The following UBA52 variants were observed in gnomAD, a reference collection of about 807,000 sequenced individuals.
The protein encoded by UBA52 is ubiquitin A-52 residue ribosomal protein fusion product 1.
UBA52 carries 1 observed loss-of-function variant against 15.3 expected under a neutral mutation model. The observed-to-expected ratio is 0.07, with a 90% CI of 0.02 to 0.31. The LOEUF is 0.31. Among genes scored for constraint, UBA52 ranks in the 10% least tolerant of loss-of-function variants. UBA52 has a pLI of 1.00. For synonymous variants in UBA52, 50 were observed against 58.3 expected (o/e 0.86, Z 0.65); for missense variants, 87 against 168.0 (o/e 0.52, Z 2.66).
chr19:18,568,358 C>A (rs752875752), upstream of UBA52: 10 of 1,452,830 alleles, frequency 6.9e-6, no homozygotes, highest in Non-Finnish European at 9.6e-6. Flanking sequence ...CATCACAGAG[C>A]TTGGCAAGGT....
chr19:18,563,911 T>C, the UBA52 span, among the ~76,000 whole-genome samples: 1 of 150,718 alleles, frequency 6.6e-6, no homozygotes. Flanking sequence ...TTTTGAGACA[T>C]AGTTTCGCAC....
chr19:18,565,044 G>GGAC, the UBA52 span: 1 of 1,596,760 alleles, frequency 6.3e-7, no homozygotes, highest in East Asian at 2.2e-5. Flanking sequence ...TGCCACCCCA[G>GGAC]CCCAGCTGAC....
At chr19:18,567,277 G>A, upstream of UBA52, 2 of 1,230,974 alleles carry the variant, frequency 1.6e-6, no homozygotes, top group Non-Finnish European at 2.4e-6. Context: ...CTGAGACCAG[G>A]CTGTAATGGG....
chr19:18,573,120 T>G, intron 1 of UBA52, 173 bp from the exon 2 acceptor site: 1 of 1,153,618 alleles, frequency 8.7e-7, no homozygotes, highest in Non-Finnish European at 1.2e-6. Flanking sequence ...CCAGGGTGTG[T>G]GAGAAGCCTA....
rs1975606955 is a variant in UBA52 at position 18,573,413 on chromosome 19, G to T, written c.103+10G>T. On this transcript the variant is annotated intron_variant, in intron 2 of 4. Transcript: ENST00000442744. ...ATTCAAGACAAGGAGGGTGAGTAGGGCTGGGTGTGGGGGCTCTGGCTGTGA... is the reference window on the plus strand; with the variant it reads ...ATTCAAGACAAGGAGGGTGAGTAGGTCTGGGTGTGGGGGCTCTGGCTGTGA... 6.2e-7 allele frequency: 1 copy of T among 1,610,362 alleles called. No homozygotes were observed. The highest frequency in any genetic ancestry group is 2.2e-5 in the East Asian group (1 of 44,866).
chr19:18,573,454 C>T, intron 2 of UBA52, 51 bp downstream of exon 2: 1 of 1,503,124 alleles, frequency 6.7e-7, no homozygotes, highest in Non-Finnish European at 9.2e-7. Flanking sequence ...GAGTCCCTCT[C>T]TGCCCAGGGG....
At chr19:18,573,229 C>G (rs1975596919) in intron 1 of UBA52, 64 bp from the exon 2 acceptor site, 1 of 1,499,812 alleles carries the variant, frequency 6.7e-7, no homozygotes, top group Non-Finnish European at 9.3e-7. Flanking sequence ...GTGTAGGCAC[C>G]TGAGCTTGTG....
At chr19:18,565,331 G>A in the UBA52 span, 9 of 508,600 alleles carry the variant, frequency 1.8e-5, no homozygotes, top group South Asian at 1.8e-4. Context: ...CCGGGCTCAC[G>A]CCATTCTCCT....
chr19:18,564,825 C>T, the UBA52 span: 2 of 1,608,548 alleles, frequency 1.2e-6, no homozygotes, highest in Non-Finnish European at 1.7e-6. Context: ...TGGGCAGGGC[C>T]CTGAAGCTGG....
In UBA52 at chr19:18,576,208, A is replaced by G. The variant is rs1465895280; in HGVS notation, c.*1058A>G. On this transcript the variant is annotated 3_prime_UTR_variant, in exon 5 of 5. Transcript: ENST00000442744. ...CAGGCTGGAATGCAGTGGTGTGGTC[A>G]TGGCTCCCTGTACCCTGGAACTCAG... The G allele has an allele frequency of 1.3e-5, 2 of 152,354 alleles. No individual in the cohort carries two copies. The highest frequency in any genetic ancestry group is 2.9e-5 in the Non-Finnish European group (2 of 68,236). 9.4% of individuals were successfully genotyped at this position (152,354 alleles called of 1,614,324 possible). A position where few individuals can be genotyped will look rare whatever the true frequency, so the allele number is the denominator to read the frequency against.
rs1975797351 is a variant in UBA52, at chr19:18,576,693, C to T, written c.*1543C>T. 1 of 145,072 alleles carries T rather than the reference C, an allele frequency of 6.9e-6. No homozygotes were observed. The highest frequency in any genetic ancestry group is 1.5e-5 in the Non-Finnish European group (1 of 67,136). The allele number at this position is 145,072 out of a possible 1,614,324, so 9.0% of individuals were successfully genotyped here. ...TTTTTTTTTTTGAGATGGAGCCTTG[C>T]TCCCATCGTGCAGGCTGGAGTGCGG... On this transcript the variant is annotated 3_prime_UTR_variant, in exon 5 of 5. Transcript: ENST00000442744.
At chr19:18,570,383 G>A (rs563412843), upstream of UBA52, among the ~76,000 whole-genome samples, 12 of 151,422 alleles carry the variant, frequency 7.9e-5, no homozygotes, top group East Asian at 2.3e-3. Flanking sequence ...ACTTTTTTTT[G>A]TAGAGACAGG....
upstream of UBA52, chr19:18,569,288 A>C (rs1975405462): frequency 6.6e-6 from 1 of 152,654 alleles, no homozygotes; most frequent in East Asian, 1.9e-4. Flanking sequence ...CCACCTCGGG[A>C]AAGAGTTTAA....
At chr19:18,570,146 G>A (rs1975429258), upstream of UBA52, among the ~76,000 whole-genome samples, 1 of 152,128 alleles carries the variant, frequency 6.6e-6, no homozygotes, top group Admixed American at 6.6e-5. Context: ...AGGTACCCCT[G>A]TTAAGCCTAT....
chr19:18,568,799 G>A, upstream of UBA52: 1 of 602,098 alleles, frequency 1.7e-6, no homozygotes, highest in Non-Finnish European at 2.9e-6. Flanking sequence ...TTCCTGGGGG[G>A]GTCTTTAATT....
chr19:18,570,374 C>CT (rs201749660), upstream of UBA52, among the ~76,000 whole-genome samples: 199 of 151,588 alleles, frequency 1.3e-3, no homozygotes, highest in Non-Finnish European at 2.2e-3. Context: ...CAAAATAAAA[C>CT]TTTTTTTTGT....
Position 18,573,296 on chromosome 19 carries a change from C to A in UBA52, c.-5C>A, listed in dbSNP as rs1600618414. 3 of 1,614,122 alleles carry A rather than the reference C, an allele frequency of 1.9e-6. No homozygotes were observed. The East Asian group carries it at 6.7e-5, about 36-fold the overall frequency. ...CCTGCCTCCCTTCCTCCTGCAGACG[C>A]AAACATGCAGATCTTTGTGAAGACC... On this transcript the variant is annotated 5_prime_UTR_variant, in exon 2 of 5. Transcript: ENST00000442744.
upstream of UBA52, among the ~76,000 whole-genome samples, chr19:18,566,792 CAA>C (rs112810621): frequency 1.1e-4 from 12 of 113,648 alleles, no homozygotes; most frequent in South Asian, 2.8e-4. Flanking sequence ...GATTCTGTCT[CAA>C]AAAAAAAAAA....
In UBA52 at chr19:18,576,031, C is replaced by G. The variant is rs1975768679; in HGVS notation, c.*881C>G. ...AGAATGCTGGTATTACAGGCGTGAG[C>G]CAGCACGCCTGGCCCAGTTACTCAG... On this transcript the variant is annotated 3_prime_UTR_variant, in exon 5 of 5. Transcript: ENST00000442744. 6.6e-6 allele frequency: 1 copy of G among 152,324 alleles called. No homozygotes were observed. Among genetic ancestry groups the G allele is most frequent in the Non-Finnish European group, 1.5e-5 (1 of 68,122 alleles). 9.4% of individuals were successfully genotyped at this position (152,324 alleles called of 1,614,324 possible).
Sources: gnomAD v4.1 joint callset for allele counts (sites outside exome capture counted in the v4.1 genomes callset) on GRCh38, gnomAD v4.1.1 for gene constraint, MANE v1.5 for transcripts, NCBI Gene and HGNC (gene_info 2026-07-23, HGNC 2026-07-21) for gene names.